Variants in UTS2B observed in about 807,000 individuals in gnomAD.
UTS2B encodes the protein urotensin-2B.
In UTS2B, 21 loss-of-function variants were observed where a neutral mutation model predicts 19.2. That is an observed-to-expected ratio of 1.09 (90% CI 0.78 to 1.58). UTS2B has a LOEUF of 1.58. UTS2B is among the 40% of genes most tolerant of loss of function. The pLI, the probability that UTS2B is intolerant of heterozygous loss-of-function variation, is 0.00. For synonymous variants in UTS2B, 57 were observed against 50.2 expected, an observed-to-expected ratio of 1.14 and a Z score of -0.58; for missense variants, 138 against 130.3, an observed-to-expected ratio of 1.06 and a Z score of -0.29.
chr3:191,314,177 A>G (rs2108606279), intron 3 of UTS2B, among the ~76,000 whole-genome samples: 1 of 152,272 alleles, frequency 6.6e-6, no homozygotes, highest in South Asian at 2.1e-4. Context: ...CAAGGCCCGT[A>G]TTTCCAGTGA....
At chr3:191,334,387 A>G (rs1262260569), upstream of UTS2B, among the ~76,000 whole-genome samples, 3 of 152,196 alleles carry the variant, frequency 2.0e-5, no homozygotes. Flanking sequence ...AATTTGTAAA[A>G]TATATATTTT....
chr3:191,286,776 A>C (rs1363901039), intron 4 of UTS2B, among the ~76,000 whole-genome samples: 1 of 152,084 alleles, frequency 6.6e-6, no homozygotes, highest in African/African-American at 2.4e-5. Flanking sequence ...CAGAGCAGAA[A>C]TAAATGAAAT....
At chr3:191,276,721 A>G in intron 7 of UTS2B, 86 bp downstream of exon 7, 7 of 1,151,634 alleles carry the variant, frequency 6.1e-6, no homozygotes. Flanking sequence ...TAGTATTAAT[A>G]ATTTATTTTA....
chr3:191,289,929 A>G (rs948780460), intron 4 of UTS2B, among the ~76,000 whole-genome samples: 5 of 152,216 alleles, frequency 3.3e-5, no homozygotes, highest in African/African-American at 4.8e-5. Context: ...ATCACTAAAG[A>G]AGTAAATTTT....
intron 1 of UTS2B, chr3:191,329,830 C>T: frequency 8.5e-7 from 1 of 1,180,132 alleles, no homozygotes; most frequent in Non-Finnish European, 1.2e-6. Context: ...TCGCCCGGTG[C>T]CCGCCCTGCG....
At chr3:191,333,543 T>G (rs1718054492), upstream of UTS2B, among the ~76,000 whole-genome samples, 1 of 152,136 alleles carries the variant, frequency 6.6e-6, no homozygotes, top group Admixed American at 6.5e-5. Context: ...ACAGTTTTTG[T>G]TTTGGTTGTT....
chr3:191,283,330 A>T (rs1716438796), intron 4 of UTS2B, among the ~76,000 whole-genome samples: 1 of 152,188 alleles, frequency 6.6e-6, no homozygotes, highest in South Asian at 2.1e-4. Flanking sequence ...GTTGCCTAGA[A>T]TCCTTTATTC....
At chr3:191,269,328 T>C (rs1462211094) in intron 8 of UTS2B, among the ~76,000 whole-genome samples, 1 of 152,156 alleles carries the variant, frequency 6.6e-6, no homozygotes, top group African/African-American at 2.4e-5. Flanking sequence ...CCTGTGCTTA[T>C]CACCACATAT....
intron 3 of UTS2B, among the ~76,000 whole-genome samples, chr3:191,311,212 C>A (rs1286082633): frequency 6.6e-6 from 1 of 152,252 alleles, no homozygotes; most frequent in Non-Finnish European, 1.5e-5. Flanking sequence ...GTTCAGTCCT[C>A]ACACCTAAGA....
intron 4 of UTS2B, 27 bp downstream of exon 4, chr3:191,304,465 T>G (rs931934573): frequency 6.6e-6 from 1 of 152,250 alleles, no homozygotes; most frequent in Non-Finnish European, 1.5e-5. Context: ...GCATTTTTCC[T>G]TTCCCAGGTA....
chr3:191,267,663 G>A lies in UTS2B; in HGVS notation c.*753C>T, dbSNP rs1347041317. 1.3e-5 allele frequency: 2 copies of A among 152,220 alleles called. No individual in the cohort carries two copies. Among genetic ancestry groups the A allele is most frequent in the Non-Finnish European group, 1.5e-5 (1 of 68,046 alleles). The allele number at this position is 152,220 out of a possible 1,614,324, so 9.4% of individuals were successfully genotyped here. On this transcript the variant is annotated 3_prime_UTR_variant, in exon 9 of 9. Transcript: ENST00000340524. ...ATTAAGTTTAGCAAGGGCAGGGGTA[G>A]GTTAATGAGGGATTTAGGGTCATTT...
chr3:191,293,878 C>G (rs11720880), intron 4 of UTS2B, among the ~76,000 whole-genome samples: 58,650 of 151,200 alleles, frequency 0.39, 11,989 homozygotes, highest in East Asian at 0.64. Flanking sequence ...GTGGGGGAGT[C>G]GGGGCGGATC....
chr3:191,339,633 A>G, the UTS2B span, among the ~76,000 whole-genome samples: 2 of 152,222 alleles, frequency 1.3e-5, no homozygotes, highest in East Asian at 1.9e-4. Flanking sequence ...GTGATCTTCA[A>G]GAAGCTTTCT....
chr3:191,297,014 G>A (rs1003202406), intron 4 of UTS2B, among the ~76,000 whole-genome samples: 7 of 152,150 alleles, frequency 4.6e-5, no homozygotes, highest in Admixed American at 2.6e-4. Context: ...TGCTTATTGC[G>A]CTTGGGAAAC....
At chr3:191,272,178 T>C (rs893963752) in intron 8 of UTS2B, among the ~76,000 whole-genome samples, 2 of 152,204 alleles carry the variant, frequency 1.3e-5, no homozygotes, top group Non-Finnish European at 2.9e-5. Flanking sequence ...TCACTGAGAT[T>C]TAAAGGCTAT....
At chr3:191,343,265 G>A in the UTS2B span, among the ~76,000 whole-genome samples, 1 of 152,200 alleles carries the variant, frequency 6.6e-6, no homozygotes, top group African/African-American at 2.4e-5. Flanking sequence ...GTAAACATAA[G>A]TGATGTTAGT....
chr3:191,342,188 A>G, the UTS2B span, among the ~76,000 whole-genome samples: 3 of 152,240 alleles, frequency 2.0e-5, no homozygotes. Context: ...CAAGATTTCC[A>G]GAAATGTGTG....
chr3:191,329,474 A>G, intron 1 of UTS2B: 1 of 482,068 alleles, frequency 2.1e-6, no homozygotes. Context: ...CTGGGCCGCC[A>G]GCTTGGTGCC....
At chr3:191,280,168 C>T (rs1278717636) in intron 5 of UTS2B, among the ~76,000 whole-genome samples, 2 of 152,068 alleles carry the variant, frequency 1.3e-5, no homozygotes, top group African/African-American at 4.8e-5. Flanking sequence ...TGCACAGAGA[C>T]AAGAAATTTT....
Sources: allele counts gnomAD v4.1 joint callset (sites outside exome capture counted in the v4.1 genomes callset), GRCh38; gene constraint gnomAD v4.1.1; transcripts MANE v1.5; gene names NCBI Gene and HGNC (gene_info 2026-07-23, HGNC 2026-07-21).